Variants in ZNF469 observed in about 807,000 individuals in gnomAD.
ZNF469 encodes the protein zinc finger protein 469.
ZNF469 carries 1 observed loss-of-function variant against 1.0 expected under a neutral mutation model. That is an observed-to-expected ratio of 1.00 (90% confidence interval 0.35 to 4.73). The LOEUF is 4.73. ZNF469 is among the 30% of genes most tolerant of loss of function. ZNF469 has a pLI of 0.16. For synonymous variants in ZNF469, 2,703 were observed against 2,363.4 expected (o/e 1.14, Z -4.17); for missense variants, 6,100 against 5,356.3 (o/e 1.14, Z -4.33).
At chr16:88,252,842 C>G in the ZNF469 span, among the ~76,000 whole-genome samples, 1 of 152,134 alleles carries the variant, frequency 6.6e-6, no homozygotes. Context: ...AGAAATTTCT[C>G]TCATCTCTTT....
chr16:88,437,942 C>G lies in ZNF469; in HGVS notation c.10472C>G (p.Pro3491Arg), dbSNP rs183437633. The G allele has an allele frequency of 5.9e-4, 907 of 1,541,508 alleles. 8 individuals carry two copies. The African/African-American group carries it at 0.011, about 19-fold the overall frequency. Residue 3491 changes from proline to arginine, a missense_variant, in exon 3 of 3, where the codon CCT becomes CGT. By Grantham distance (103) the Pro-to-Arg change is moderately radical. Transcript: ENST00000565624. ...GSAPGPGEDR[P>R]PPRGSSPILS... is the part of the protein sequence containing the mutation. Reference sequence around the variant, plus strand: ...GCCCCTGGGCCCGGCGAGGACAGGCCTCCTCCCCGGGGAAGCAGCCCCATC... The same window carrying G: ...GCCCCTGGGCCCGGCGAGGACAGGCGTCCTCCCCGGGGAAGCAGCCCCATC...
the ZNF469 span, among the ~76,000 whole-genome samples, chr16:88,265,549 C>T: frequency 2.6e-5 from 4 of 152,196 alleles, no homozygotes; most frequent in Admixed American, 1.3e-4. Context: ...CCGGGTGCGT[C>T]CAGTAAAGGA....
the ZNF469 span, among the ~76,000 whole-genome samples, chr16:88,206,852 G>C: frequency 1.8e-3 from 32 of 18,176 alleles, 12 homozygotes; most frequent in African/African-American, 0.01. Context: ...CGGAGGGGAG[G>C]GGAGGCCGCG....
At chr16:88,194,565 C>T in the ZNF469 span, 2 of 152,304 alleles carry the variant, frequency 1.3e-5, no homozygotes, top group Non-Finnish European at 2.9e-5. Flanking sequence ...AAAAACATCA[C>T]AGCTGCGTGG....
At chr16:88,405,069 G>A (rs959610581) in intron 1 of ZNF469, among the ~76,000 whole-genome samples, 9 of 152,154 alleles carry the variant, frequency 5.9e-5, no homozygotes, top group Admixed American at 4.6e-4. Context: ...TGAACACAGG[G>A]CAGGGGAGGG....
chr16:88,296,032 C>G, the ZNF469 span, among the ~76,000 whole-genome samples: 1 of 152,214 alleles, frequency 6.6e-6, no homozygotes, highest in Non-Finnish European at 1.5e-5. Flanking sequence ...CTCGGGCTCT[C>G]GGCTCTGCAG....
At chr16:88,292,847 G>C in the ZNF469 span, among the ~76,000 whole-genome samples, 2 of 144,744 alleles carry the variant, frequency 1.4e-5, no homozygotes, top group Non-Finnish European at 3.0e-5. Context: ...TTTCCATCCA[G>C]CTCACCAGGA....
intron 1 of ZNF469, among the ~76,000 whole-genome samples, chr16:88,415,967 C>A (rs761643372): frequency 6.6e-6 from 1 of 152,232 alleles, no homozygotes; most frequent in African/African-American, 2.4e-5. Flanking sequence ...AGTGCGGACA[C>A]CCCATCCCCA....
the ZNF469 span, among the ~76,000 whole-genome samples, chr16:88,216,708 C>G: frequency 6.6e-6 from 1 of 152,166 alleles, no homozygotes; most frequent in South Asian, 2.1e-4. Flanking sequence ...TGGAAGCTAT[C>G]CTTTCAAATA....
the ZNF469 span, among the ~76,000 whole-genome samples, chr16:88,258,992 T>G: frequency 1.3e-5 from 2 of 152,184 alleles, no homozygotes; most frequent in African/African-American, 4.8e-5. Context: ...TCACCAAAAC[T>G]CGTGGGAGTA....
At chr16:88,316,671 C>G in the ZNF469 span, among the ~76,000 whole-genome samples, 3 of 151,242 alleles carry the variant, frequency 2.0e-5, no homozygotes, top group Non-Finnish European at 2.9e-5. Flanking sequence ...CTCAGCCTCC[C>G]GAGTGGCTGG....
chr16:88,243,912 A>ATC, the ZNF469 span, among the ~76,000 whole-genome samples: 1 of 12,486 alleles, frequency 8.0e-5, no homozygotes, highest in Non-Finnish European at 1.3e-4. Flanking sequence ...GGCTGGATGC[A>ATC]TATATATATA....
chr16:88,261,038 G>A, the ZNF469 span, among the ~76,000 whole-genome samples: 1 of 152,172 alleles, frequency 6.6e-6, no homozygotes, highest in Admixed American at 6.5e-5. The surrounding 1 kb of genome is among the most constrained non-coding windows in gnomAD (Gnocchi z 6.0). Context: ...CCAGCGTCTG[G>A]GGGTCTTGGT....
At chr16:88,136,616 C>T in the ZNF469 span, among the ~76,000 whole-genome samples, 3 of 152,332 alleles carry the variant, frequency 2.0e-5, no homozygotes, top group Non-Finnish European at 2.9e-5. Context: ...CGTGGGGGCC[C>T]GTTGACATTT....
the ZNF469 span, among the ~76,000 whole-genome samples, chr16:88,262,881 C>T: frequency 2.0e-5 from 3 of 152,082 alleles, no homozygotes; most frequent in Admixed American, 6.5e-5. The surrounding 1 kb of genome is among the most constrained non-coding windows in gnomAD (Gnocchi z 4.3). Context: ...GGCAGATCTG[C>T]GTCCTGTGGT....
chr16:88,274,178 A>G, the ZNF469 span, among the ~76,000 whole-genome samples: 1 of 152,212 alleles, frequency 6.6e-6, no homozygotes, highest in African/African-American at 2.4e-5. Context: ...CATTCTGCTC[A>G]ATGAAATAAG....
Position 88,432,377 on chromosome 16 carries a change from A to G in ZNF469, c.4907A>G (p.His1636Arg), listed in dbSNP as rs557636016. ...DLTRVGESTAHREGAESAVAT... is the reference protein window; with the variant it reads ...DLTRVGESTARREGAESAVAT... The stretch of plus-strand genomic sequence containing the variant: ...ACGCGCGTTGGAGAATCCACTGCAC[A>G]TCGGGAGGGTGCGGAATCGGCTGTG... The change falls in exon 3 of 3, where the codon CAT (histidine) becomes CGT (arginine). Residue 1636 changes from histidine (H) to arginine (R), a missense_variant. Physicochemically the swap from His to Arg is conservative, Grantham distance 29 (BLOSUM62 0). Coordinates refer to ENST00000565624, the MANE Select transcript of ZNF469 (RefSeq NM_001367624.2). The G allele has an allele frequency of 6.3e-5, 97 of 1,549,246 alleles. No individual in the cohort carries two copies. Among genetic ancestry groups the G allele is most frequent in the African/African-American group, 4.9e-4 (36 of 73,178 alleles).
chr16:88,194,560 C>G, the ZNF469 span: 1 of 152,252 alleles, frequency 6.6e-6, no homozygotes, highest in Non-Finnish European at 1.5e-5. Context: ...GAGAGAAAAA[C>G]ATCACAGCTG....
the ZNF469 span, among the ~76,000 whole-genome samples, chr16:88,131,142 T>A: frequency 6.6e-6 from 1 of 152,218 alleles, no homozygotes; most frequent in African/African-American, 2.4e-5. Context: ...TGGAACCAGT[T>A]GGCATTTTCA....
Sources: allele counts gnomAD v4.1 joint callset (sites outside exome capture counted in the v4.1 genomes callset), GRCh38; gene constraint gnomAD v4.1.1; non-coding constraint Gnocchi (gnomAD v3.1); transcripts MANE v1.5; gene names NCBI Gene and HGNC (gene_info 2026-07-23, HGNC 2026-07-21).